The following RUFY4 variants were observed in gnomAD, a reference collection of about 807,000 sequenced individuals.
RUFY4 encodes RUN and FYVE domain containing 4, also known as RUN and FYVE domain-containing protein 4.
RUFY4 carries 73 observed loss-of-function variants against 69.0 expected under a neutral mutation model. The ratio of observed to expected loss-of-function variants is 1.06; its 90% CI spans 0.88 to 1.29. The LOEUF (loss-of-function observed/expected upper bound fraction) is 1.29, where lower values mean the gene tolerates loss of function less well. Ranked by LOEUF, RUFY4 falls within the 50% of genes most tolerant of loss-of-function variation. The probability of loss-of-function intolerance (pLI) is 0.00; values close to 1 mark genes in which losing one functional copy is unlikely to be tolerated. For missense variants in RUFY4, 770 were observed against 705.6 expected, an observed-to-expected ratio of 1.09 and a Z score of -1.03; for synonymous variants, 287 against 271.8, an observed-to-expected ratio of 1.06 and a Z score of -0.55.
At chr2:218,052,045 G>A (rs530512610) in intron 2 of RUFY4, among the ~76,000 whole-genome samples, 76 of 152,176 alleles carry the variant, frequency 5.0e-4, no homozygotes, top group Middle Eastern at 3.4e-3. Flanking sequence ...TCAGATTCAT[G>A]TCTCAGGGGT....
intron 10 of RUFY4, 39 bp downstream of exon 12, chr2:218,089,401 C>T (rs1229267318): frequency 6.4e-7 from 1 of 1,561,268 alleles, no homozygotes; most frequent in East Asian, 2.3e-5. Context: ...CTGGGACAGC[C>T]CAGTTTCCAC....
exon 7 of RUFY4, chr2:218,075,674 A>G: frequency 6.7e-7 from 1 of 1,492,784 alleles, no homozygotes; most frequent in Non-Finnish European, 8.9e-7. Flanking sequence ...CACAAGTGCA[A>G]ACAGAAGTGA....
At position 218,075,491 on chromosome 2, in the gene RUFY4, CA is replaced by C; in HGVS notation, c.1004del (p.Lys335ArgfsTer12). The stretch of plus-strand genomic sequence containing the variant: ...GTCAGAGAACAACAGAGGGGACTCA[CA>C]AAAAGGAAGCAGAGTGGAGTCACGT... On this transcript the variant is annotated frameshift_variant, in exon 7 of 11. Coordinates refer to ENST00000344321, the Ensembl canonical transcript of RUFY4. LOFTEE classifies it high-confidence loss of function. The C allele has an allele frequency of 6.3e-7, 1 of 1,586,048 alleles. No individual in the cohort carries two copies. Among genetic ancestry groups the C allele is most frequent in the Non-Finnish European group, 8.6e-7 (1 of 1,166,578 alleles).
At chr2:218,083,616 C>T (rs1003909723) in intron 9 of RUFY4, among the ~76,000 whole-genome samples, 12 of 152,022 alleles carry the variant, frequency 7.9e-5, no homozygotes, top group Admixed American at 2.0e-4. Context: ...GACATGGTGA[C>T]GTGTGCCTGT....
chr2:218,052,839 T>TA (rs927954136), intron 2 of RUFY4, among the ~76,000 whole-genome samples: 4 of 54,518 alleles, frequency 7.3e-5, no homozygotes, highest in Non-Finnish European at 1.7e-4. Flanking sequence ...AGGTCTAAGG[T>TA]TTTTTTTTTC....
intron 9 of RUFY4, among the ~76,000 whole-genome samples, chr2:218,084,575 G>T (rs1368947375): frequency 6.6e-6 from 1 of 152,066 alleles, no homozygotes. Context: ...GTGAGAAAAA[G>T]GAGACATCAA....
At chr2:218,076,598 G>A (rs916762998) in intron 8 of RUFY4, 65 bp downstream of exon 10, 25 of 1,532,976 alleles carry the variant, frequency 1.6e-5, no homozygotes, top group African/African-American at 4.2e-5. Flanking sequence ...TGTCAATCAC[G>A]GTCAAGCCAG....
At chr2:218,052,975 C>T (rs899540761) in intron 2 of RUFY4, among the ~76,000 whole-genome samples, 5 of 151,744 alleles carry the variant, frequency 3.3e-5, no homozygotes, top group African/African-American at 1.2e-4. Context: ...ATTATTATTT[C>T]ATAAACATAA....
At chr2:218,055,507 A>G (rs1689042096) in intron 2 of RUFY4, among the ~76,000 whole-genome samples, 1 of 152,236 alleles carries the variant, frequency 6.6e-6, no homozygotes, top group East Asian at 1.9e-4. Flanking sequence ...GATTATCTTC[A>G]GTAAAAATTG....
intron 3 of RUFY4, chr2:218,060,364 G>T: frequency 6.5e-7 from 1 of 1,546,532 alleles, no homozygotes; most frequent in South Asian, 1.3e-5. Flanking sequence ...AGTGTGCCCT[G>T]AAGAAGAGCC....
chr2:218,047,838 C>T (rs181221522), intron 2 of RUFY4, among the ~76,000 whole-genome samples: 19 of 152,184 alleles, frequency 1.2e-4, no homozygotes, highest in East Asian at 3.9e-4. Context: ...TTATCTCATA[C>T]GGAAATGATC....
intron 2 of RUFY4, among the ~76,000 whole-genome samples, chr2:218,056,803 A>T (rs910383178): frequency 1.3e-5 from 2 of 152,162 alleles, no homozygotes; most frequent in African/African-American, 4.8e-5. Flanking sequence ...AGTTTTATCC[A>T]GGCCAGGTGC....
At chr2:218,045,954 G>C (rs893856724) in intron 2 of RUFY4, among the ~76,000 whole-genome samples, 1 of 152,006 alleles carries the variant, frequency 6.6e-6, no homozygotes, top group Non-Finnish European at 1.5e-5. Context: ...ACAGGCTCCC[G>C]CCATGGCGCC....
upstream of RUFY4, among the ~76,000 whole-genome samples, chr2:218,065,211 C>T (rs1192702313): frequency 2.6e-5 from 4 of 152,186 alleles, no homozygotes; most frequent in Admixed American, 2.0e-4. Context: ...CCCACTCAGC[C>T]CTCTCCCTGG....
chr2:218,063,062 A>G (rs566647483), intron 3 of RUFY4, among the ~76,000 whole-genome samples: 39 of 152,302 alleles, frequency 2.6e-4, no homozygotes, highest in African/African-American at 8.7e-4. Context: ...GACAGGAGAG[A>G]TCCCGCTCTG....
chr2:218,069,223 G>A (rs1420596698), upstream of RUFY4: 1 of 152,520 alleles, frequency 6.6e-6, no homozygotes, highest in Non-Finnish European at 1.5e-5. Context: ...CAGGCTGCTG[G>A]GCTGGGACTG....
At chr2:218,063,532 C>T (rs1481459797) in intron 3 of RUFY4, among the ~76,000 whole-genome samples, 1 of 152,198 alleles carries the variant, frequency 6.6e-6, no homozygotes, top group Non-Finnish European at 1.5e-5. Context: ...TAGGGATATA[C>T]CCAAGAGAAT....
At chr2:218,081,554 C>A (rs1399561977) in intron 8 of RUFY4, among the ~76,000 whole-genome samples, 2 of 152,200 alleles carry the variant, frequency 1.3e-5, no homozygotes, top group Non-Finnish European at 2.9e-5. Context: ...TTCCTGGCAC[C>A]TAAACATCCC....
chr2:218,076,288 C>T (rs1689628710), intron 7 of RUFY4, 139 bp from the exon 10 acceptor site: 1 of 1,359,010 alleles, frequency 7.4e-7, no homozygotes, highest in South Asian at 1.6e-5. Context: ...CAGAGCCAGG[C>T]ATCACAGCTC....
Sources: gnomAD v4.1 joint callset for allele counts (sites outside exome capture counted in the v4.1 genomes callset) on GRCh38, gnomAD v4.1.1 for gene constraint, MANE v1.5 for transcripts, NCBI Gene and HGNC (gene_info 2026-07-23, HGNC 2026-07-21) for gene names.